NLN: variants seen among roughly 807,000 people sequenced by gnomAD.
NLN encodes the protein neurolysin.
Under a neutral mutation model 79.9 loss-of-function variants are expected in NLN, and 64 were observed. That is an observed-to-expected ratio of 0.80 (90% CI 0.65 to 0.99). The LOEUF (loss-of-function observed/expected upper bound fraction) is 0.99. Ranked by LOEUF, NLN falls within the 50% of genes least tolerant of loss-of-function variation. The pLI is 0.00. For missense variants in NLN, 835 were observed against 858.7 expected, an observed-to-expected ratio of 0.97 and a Z score of 0.34; for synonymous variants, 267 against 296.6, an observed-to-expected ratio of 0.90 and a Z score of 1.02.
In NLN at chr5:65,722,231, TG is replaced by T; in HGVS notation, c.-140del. 1 of 449,480 alleles carries T rather than the reference TG, an allele frequency of 2.2e-6. No homozygotes were observed. Among genetic ancestry groups the T allele is most frequent in the Non-Finnish European group, 3.7e-6 (1 of 269,356 alleles). 27.8% of individuals were successfully genotyped at this position (449,480 alleles called of 1,614,324 possible). The stretch of plus-strand genomic sequence containing the variant: ...GGCGCCGGCGTGGAGCTGCCGCACG[TG>T]GGAGGGCGCTGGCCAGGCAGCCACT... On this transcript the variant is annotated 5_prime_UTR_variant, in exon 1 of 13. Transcript: ENST00000380985.
rs1194780183 is a variant in NLN, at chr5:65,825,446, A to G, written c.*2531A>G. ...TATGTTGTGAAGGATAAAATCTTCAACATCTTATGCAAATGGATAGTAGGC... is the reference window on the plus strand; with the variant it reads ...TATGTTGTGAAGGATAAAATCTTCAGCATCTTATGCAAATGGATAGTAGGC... On this transcript the variant is annotated 3_prime_UTR_variant, in exon 13 of 13. Coordinates refer to ENST00000380985, the MANE Select transcript of NLN (RefSeq NM_020726.5). 6.6e-6 allele frequency: 1 copy of G among 152,112 alleles called. No homozygotes were observed. Among genetic ancestry groups the G allele is most frequent in the African/African-American group, 2.4e-5 (1 of 41,402 alleles). 9.4% of individuals were successfully genotyped at this position (152,112 alleles called of 1,614,324 possible). A position where few individuals can be genotyped will look rare whatever the true frequency, so the allele number is the denominator to read the frequency against.
At chr5:65,758,920 C>T (rs1759281877) in intron 2 of NLN, 94 bp downstream of exon 2, 1 of 1,166,142 alleles carries the variant, frequency 8.6e-7, no homozygotes. Context: ...GTTTTACAAG[C>T]ATTGATTTTT....
intron 1 of NLN, among the ~76,000 whole-genome samples, chr5:65,723,762 C>T (rs1038763270): frequency 4.9e-5 from 7 of 144,214 alleles, no homozygotes; most frequent in South Asian, 2.2e-4. Flanking sequence ...TTGCAGTGAG[C>T]CGAGATCGCA....
intron 1 of NLN, among the ~76,000 whole-genome samples, 169 bp downstream of exon 1, chr5:65,722,583 C>T (rs1464650656): frequency 6.6e-6 from 1 of 152,218 alleles, no homozygotes; most frequent in African/African-American, 2.4e-5. Context: ...CTGGCGCGGC[C>T]ACCTGGGGCC....
intron 3 of NLN, among the ~76,000 whole-genome samples, chr5:65,771,827 G>C (rs946228352): frequency 1.3e-5 from 2 of 151,752 alleles, no homozygotes; most frequent in African/African-American, 4.8e-5. Context: ...AACCAGCCTG[G>C]GCAACATGGC....
chr5:65,822,871 A>C lies in NLN; in HGVS notation c.2071A>C (p.Asn691His), dbSNP rs1760832131. 1 of 1,613,472 alleles carries C rather than the reference A, an allele frequency of 6.2e-7. No homozygotes were observed. Among genetic ancestry groups the C allele is most frequent in the African/African-American group, 1.3e-5 (1 of 74,920 alleles). Residue 691 changes from asparagine (N) to histidine (H), a missense_variant, in exon 13 of 13, where the codon AAC becomes CAC. By Grantham distance (68) the Asn-to-His change is moderately conservative. Coordinates refer to ENST00000380985, the MANE Select transcript of NLN (RefSeq NM_020726.5). ...CCACAATTTCTTGAAACGTGAGCCA[A>C]ACCAAAAAGCGTTCCTAATGAGTAG... ...MLHNFLKREP[N>H]QKAFLMSRGL...
chr5:65,781,217 C>T lies in NLN; in HGVS notation c.662-44C>T, dbSNP rs1252826372. 6 of 1,359,004 alleles carry T rather than the reference C, an allele frequency of 4.4e-6. 1 individual carries two copies. Among genetic ancestry groups the T allele is most frequent in the South Asian group, 2.4e-5 (2 of 82,194 alleles). 84.2% of individuals were successfully genotyped at this position (1,359,004 alleles called of 1,614,324 possible). On this transcript the variant is annotated intron_variant, in intron 5 of 12. Transcript: ENST00000380985. ...ACCATGCCAATACTAAATAAACCAG[C>T]AATGAGTGGAAAATTTGATATATGA...
Position 65,825,080 on chromosome 5 carries a change from G to A in NLN, c.*2165G>A, listed in dbSNP as rs1445303979. 1.3e-5 allele frequency: 2 copies of A among 152,200 alleles called. No homozygotes were observed. The highest frequency in any genetic ancestry group is 2.9e-5 in the Non-Finnish European group (2 of 68,076). The allele number at this position is 152,200 out of a possible 1,614,324, so 9.4% of individuals were successfully genotyped here. On this transcript the variant is annotated 3_prime_UTR_variant, in exon 13 of 13. Transcript: ENST00000380985. Reference sequence around the variant, plus strand: ...CATGCCATTGCACTCCAGCCTGGACGACAGAGTGAGATTCAGTCTCAAAAA... The same window carrying A: ...CATGCCATTGCACTCCAGCCTGGACAACAGAGTGAGATTCAGTCTCAAAAA...
Position 65,758,547 on chromosome 5 carries a change from C to G in NLN, c.42-20C>G, listed in dbSNP as rs758446071. Reference sequence around the variant, plus strand: ...CCAACAGAAATCCCTAATTCTTATTCTTTTTCTGATTCTTTTTAGAGTTGG... The same window carrying G: ...CCAACAGAAATCCCTAATTCTTATTGTTTTTCTGATTCTTTTTAGAGTTGG... On this transcript the variant is annotated intron_variant, in intron 1 of 12. Transcript: ENST00000380985. 1.9e-6 allele frequency: 3 copies of G among 1,575,346 alleles called. No homozygotes were observed. Among genetic ancestry groups the G allele is most frequent in the Non-Finnish European group, 2.6e-6 (3 of 1,147,364 alleles).
At chr5:65,791,729 A>T (rs186521654) in intron 8 of NLN, among the ~76,000 whole-genome samples, 444 of 152,230 alleles carry the variant, frequency 2.9e-3, no homozygotes, top group Non-Finnish European at 5.0e-3. Context: ...TCTCAAAAAA[A>T]AAAAAATAAA....
intron 11 of NLN, among the ~76,000 whole-genome samples, chr5:65,811,261 A>G (rs1760538923): frequency 6.6e-6 from 1 of 152,218 alleles, no homozygotes; most frequent in Non-Finnish European, 1.5e-5. Flanking sequence ...GAGTCATTCT[A>G]GGCTCCCCAC....
At chr5:65,800,465 G>A (rs1044954583) in intron 9 of NLN, among the ~76,000 whole-genome samples, 2 of 152,070 alleles carry the variant, frequency 1.3e-5, no homozygotes, top group African/African-American at 4.8e-5. Flanking sequence ...CACGAGGTCA[G>A]GAGATCGAGA....
In NLN at chr5:65,777,466, C is replaced by G. The variant is rs753079399; in HGVS notation, c.490C>G (p.Arg164Gly). 8.1e-6 allele frequency: 13 copies of G among 1,612,878 alleles called. No homozygotes were observed. Among genetic ancestry groups the G allele is most frequent in the Non-Finnish European group, 1.1e-5 (13 of 1,179,358 alleles). ...DLGKIKPEAR[R>G]YLEKSIKMGK... ...GGGGAAGATAAAACCTGAGGCCAGA[C>G]GATACTTGGAAAAGTCAATTAAAAT... Residue 164 changes from arginine (R) to glycine (G), a missense_variant, in exon 4 of 13, where the codon CGA (arginine) becomes GGA (glycine). Coordinates refer to ENST00000380985, the MANE Select transcript of NLN (RefSeq NM_020726.5).
chr5:65,733,968 G>A (rs1463565686), intron 1 of NLN, among the ~76,000 whole-genome samples: 1 of 136,224 alleles, frequency 7.3e-6, no homozygotes, highest in Non-Finnish European at 1.6e-5. Flanking sequence ...CACGACTTCG[G>A]CTCACTGCAA....
rs1289779467 is a variant in NLN, at chr5:65,791,500, G to A, written c.1326-954G>A. Among the ~76,000 whole-genome samples, 3 of 152,278 alleles carry A rather than the reference G, an allele frequency of 2.0e-5. No homozygotes were observed. In the East Asian group the frequency reaches 5.8e-4, roughly 29 times the overall value. On this transcript the variant is annotated intron_variant, in intron 8 of 12. Transcript: ENST00000380985. ...TTGAACCCAGGAGGTGGACATTATA[G>A]TTAGCCAGTATCTTGCCACCGCACC...
At position 65,744,293 on chromosome 5, in the gene NLN, C is replaced by T. The variant is rs376474864; in HGVS notation, c.42-14274C>T. ...GATTACAGGCGTGAGCCACCACACC[C>T]GGCCTGCTACCTGATACTCTAATGT... On this transcript the variant is annotated intron_variant, in intron 1 of 12. Transcript: ENST00000380985. 2.2e-4 allele frequency among the ~76,000 whole-genome samples: 34 copies of T among 152,306 alleles called. No individual in the cohort carries two copies. The East Asian group carries it at 3.7e-3, about 16-fold the overall frequency.
chr5:65,777,890 G>T (rs34980), intron 4 of NLN, among the ~76,000 whole-genome samples: 87,316 of 152,066 alleles, frequency 0.57, 25,383 homozygotes, highest in South Asian at 0.62. Context: ...TGTATTTAGT[G>T]GTTTTAAATT....
At chr5:65,775,810 T>A (rs758961493) in intron 3 of NLN, among the ~76,000 whole-genome samples, 1 of 152,202 alleles carries the variant, frequency 6.6e-6, no homozygotes, top group Non-Finnish European at 1.5e-5. Context: ...TAGGGAGGGT[T>A]CCAACTCCAG....
intron 1 of NLN, among the ~76,000 whole-genome samples, chr5:65,743,775 A>C (rs1405461114): frequency 6.6e-6 from 1 of 152,224 alleles, no homozygotes; most frequent in Non-Finnish European, 1.5e-5. Context: ...TTTCCAACCC[A>C]ATTAAACCAT....
Sources: gnomAD v4.1 joint callset for allele counts (sites outside exome capture counted in the v4.1 genomes callset) on GRCh38, gnomAD v4.1.1 for gene constraint, MANE v1.5 for transcripts, NCBI Gene and HGNC (gene_info 2026-07-23, HGNC 2026-07-21) for gene names.